VPS13A: variants seen among roughly 807,000 people sequenced by gnomAD.
VPS13A encodes vacuolar protein sorting 13 homolog A, also known as intermembrane lipid transfer protein VPS13A.
VPS13A carries 264 observed loss-of-function variants against 390.9 expected under a neutral mutation model. The observed-to-expected ratio is 0.68, with a 90% CI of 0.61 to 0.75. The LOEUF (loss-of-function observed/expected upper bound fraction) is 0.75. Among genes scored for constraint, VPS13A ranks in the 30% least tolerant of loss-of-function variants. VPS13A has a pLI of 0.00. For synonymous variants in VPS13A, 1,231 were observed against 1,227.1 expected (o/e 1.00, Z -0.07); for missense variants, 3,409 against 3,733.9 (o/e 0.91, Z 2.27).
chr9:77,344,380 A>AT, intron 51 of VPS13A, 99 bp downstream of exon 51: 1 of 1,323,732 alleles, frequency 7.6e-7, no homozygotes, highest in Non-Finnish European at 1.1e-6. Flanking sequence ...ACTTCTGTTG[A>AT]TTTTTCCCCT....
At chr9:77,199,045 A>G (rs1825172152) in intron 1 of VPS13A, among the ~76,000 whole-genome samples, 2 of 152,266 alleles carry the variant, frequency 1.3e-5, no homozygotes, top group Admixed American at 6.5e-5. Context: ...GTAGTTACAG[A>G]TAGGGAAGGA....
chr9:77,209,290 C>T (rs1167251897), intron 5 of VPS13A, 133 bp from the exon 6 acceptor site: 1 of 651,018 alleles, frequency 1.5e-6, no homozygotes, highest in Non-Finnish European at 2.7e-6. Context: ...TTTTGGAAAG[C>T]AAGCTATTAG....
In VPS13A at chr9:77,287,202, T is replaced by C. The variant is rs187829161; in HGVS notation, c.3339+3552T>C. ...ACTAATTATATATATTATATAATAATATATTTTATATATACATAAAATTCT... is the reference window on the plus strand; with the variant it reads ...ACTAATTATATATATTATATAATAACATATTTTATATATACATAAAATTCT... On this transcript the variant is annotated intron_variant, in intron 31 of 71. Transcript: ENST00000360280. 4.9e-3 allele frequency among the ~76,000 whole-genome samples: 719 copies of C among 148,014 alleles called. 4 individuals carry two copies. The highest frequency in any genetic ancestry group is 0.016 in the African/African-American group (650 of 40,768).
intron 68 of VPS13A, among the ~76,000 whole-genome samples, chr9:77,397,020 G>T (rs1010789736): frequency 6.6e-6 from 1 of 152,002 alleles, no homozygotes; most frequent in African/African-American, 2.4e-5. Context: ...ACGGAGTCTC[G>T]CTCTGTTGCC....
intron 55 of VPS13A, among the ~76,000 whole-genome samples, chr9:77,357,200 TC>T (rs201691074): frequency 0.019 from 2,817 of 149,906 alleles, 92 homozygotes; most frequent in African/African-American, 0.064. Context: ...GCGCCTGTAA[TC>T]CCCGCTATTC....
rs73449984 is a variant in VPS13A, at chr9:77,369,233, A to C, written c.8554-66A>C. ...CCTGAGAAAACTGGGCGTGTGTTTTAAATAATGTATAAGAAAAAATAGATC... is the reference window on the plus strand; with the variant it reads ...CCTGAGAAAACTGGGCGTGTGTTTTCAATAATGTATAAGAAAAAATAGATC... On this transcript the variant is annotated intron_variant, in intron 62 of 71. Transcript: ENST00000360280. 6,928 of 1,282,798 alleles carry C rather than the reference A, an allele frequency of 5.4e-3. 268 individuals are homozygous for C. The African/African-American group carries it at 0.088, about 16-fold the overall frequency. 79.5% of individuals were successfully genotyped at this position (1,282,798 alleles called of 1,614,324 possible). A position where few individuals can be genotyped will look rare whatever the true frequency, so the allele number is the denominator to read the frequency against.
chr9:77,323,676 T>C (rs1283190376), intron 45 of VPS13A, among the ~76,000 whole-genome samples: 2 of 152,166 alleles, frequency 1.3e-5, no homozygotes, highest in African/African-American at 4.8e-5. Context: ...GTAATGAACA[T>C]ATTTATTTCT....
At chr9:77,286,097 C>T (rs1827306937) in intron 31 of VPS13A, among the ~76,000 whole-genome samples, 1 of 152,154 alleles carries the variant, frequency 6.6e-6, no homozygotes, top group South Asian at 2.1e-4. Flanking sequence ...ATAGGAGGCA[C>T]ATAGTGTGTA....
At chr9:77,333,362 T>G (rs1830375742) in intron 46 of VPS13A, among the ~76,000 whole-genome samples, 4 of 152,002 alleles carry the variant, frequency 2.6e-5, no homozygotes, top group African/African-American at 7.2e-5. Context: ...GAATTGTTAC[T>G]GACTAAGTAC....
At chr9:77,213,145 G>T in intron 8 of VPS13A, 89 bp from the exon 9 acceptor site, 1 of 1,526,892 alleles carries the variant, frequency 6.5e-7, no homozygotes, top group East Asian at 2.3e-5. Flanking sequence ...TCTGTGATAT[G>T]GCTCACTTAA....
At chr9:77,378,376 G>A (rs2131605939) in intron 67 of VPS13A, among the ~76,000 whole-genome samples, 1 of 152,156 alleles carries the variant, frequency 6.6e-6, no homozygotes, top group Non-Finnish European at 1.5e-5. Flanking sequence ...ATTGTCAGTA[G>A]TTTTTATAGG....
At chr9:77,307,756 A>G (rs954986455) in intron 34 of VPS13A, among the ~76,000 whole-genome samples, 189 bp from the exon 35 acceptor site, 16 of 152,208 alleles carry the variant, frequency 1.1e-4, no homozygotes, top group Non-Finnish European at 1.8e-4. Flanking sequence ...ATTTAGTTCT[A>G]TATTTCACAA....
rs1829832991 is a variant in VPS13A, at chr9:77,323,061, A to C, written c.5831-6A>C. On this transcript the variant is annotated splice_polypyrimidine_tract_variant and splice_region_variant and intron_variant, in intron 44 of 71. Transcript: ENST00000360280. ...AAAAACTTTTAAACATACTTACTTA[A>C]TTTAGCACCTGTTAACCATTCTACT... is the stretch of plus-strand genomic sequence containing the variant. 1 of 1,606,656 alleles carries C rather than the reference A, an allele frequency of 6.2e-7. No individual in the cohort carries two copies. The highest frequency in any genetic ancestry group is 8.5e-7 in the Non-Finnish European group (1 of 1,174,886).
intron 51 of VPS13A, 137 bp downstream of exon 51, chr9:77,344,418 T>C (rs1189089185): frequency 9.6e-7 from 1 of 1,037,856 alleles, no homozygotes; most frequent in East Asian, 2.7e-5. Flanking sequence ...AACATTTCTT[T>C]TTGTAGAAGG....
chr9:77,263,754 A>C (rs1018741347), intron 23 of VPS13A, among the ~76,000 whole-genome samples: 2 of 152,022 alleles, frequency 1.3e-5, no homozygotes, highest in Non-Finnish European at 2.9e-5. Context: ...GTTTAATTAG[A>C]TCCCATTTGT....
chr9:77,416,350 A>T lies in VPS13A; in HGVS notation c.*344A>T, dbSNP rs1835169957. 7 of 258,360 alleles carry T rather than the reference A, an allele frequency of 2.7e-5. No homozygotes were observed. The South Asian group carries it at 3.0e-4, about 11-fold the overall frequency. 16.0% of individuals were successfully genotyped at this position (258,360 alleles called of 1,614,324 possible). A position where few individuals can be genotyped will look rare whatever the true frequency, so the allele number is the denominator to read the frequency against. On this transcript the variant is annotated 3_prime_UTR_variant, in exon 72 of 72. Coordinates refer to ENST00000360280, the MANE Select transcript of VPS13A (RefSeq NM_033305.3). Reference sequence around the variant, plus strand: ...CTGTAATGGTGGAGAGGCTGCCCATAATTCATCTCCACATGGAGCCAAGTT... The same window carrying T: ...CTGTAATGGTGGAGAGGCTGCCCATTATTCATCTCCACATGGAGCCAAGTT...
chr9:77,280,198 A>C lies in VPS13A; in HGVS notation c.2864A>C (p.Asp955Ala). ...KKPVYLVTTL[D>A]NTMEDLLTLE... ...CCAGTTTATTTGGTTACAACCCTGG[A>C]TAACACAATGGAAGACCTGTTAACG... Residue 955 changes from aspartate to alanine, a missense_variant, in exon 27 of 72, where the codon GAT (aspartate) becomes GCT (alanine). Coordinates refer to ENST00000360280, the MANE Select transcript of VPS13A (RefSeq NM_033305.3). The C allele has an allele frequency of 6.2e-7, 1 of 1,612,948 alleles. No individual in the cohort carries two copies.
intron 68 of VPS13A, chr9:77,384,599 C>A (rs779148807): frequency 6.2e-7 from 1 of 1,611,154 alleles, no homozygotes; most frequent in Non-Finnish European, 8.5e-7. Context: ...TTCAATTCTA[C>A]AGGGAGTGGA....
intron 34 of VPS13A, among the ~76,000 whole-genome samples, chr9:77,306,957 A>C (rs981919757): frequency 2.8e-5 from 4 of 142,146 alleles, no homozygotes; most frequent in Non-Finnish European, 6.0e-5. Context: ...CCCAGGCTGG[A>C]GGGCAGTGGC....
Sources: gnomAD v4.1 joint callset for allele counts (sites outside exome capture counted in the v4.1 genomes callset) on GRCh38, gnomAD v4.1.1 for gene constraint, MANE v1.5 for transcripts, NCBI Gene and HGNC (gene_info 2026-07-23, HGNC 2026-07-21) for gene names.